FREM1: variants seen among roughly 807,000 people sequenced by gnomAD.
FREM1 encodes the protein FRAS1-related extracellular matrix protein 1.
FREM1 carries 220 observed loss-of-function variants against 210.1 expected under a neutral mutation model. That is an observed-to-expected ratio of 1.05 (90% CI 0.94 to 1.17). The LOEUF (loss-of-function observed/expected upper bound fraction) is 1.17, where lower values mean the gene tolerates loss of function less well. FREM1 is among the 50% of genes most tolerant of loss of function. FREM1 has a pLI of 0.00. For synonymous variants in FREM1, 1,189 were observed against 980.2 expected, an observed-to-expected ratio of 1.21 and a Z score of -3.98; for missense variants, 3,454 against 2,675.5, an observed-to-expected ratio of 1.29 and a Z score of -6.42.
rs568697083 is a variant in FREM1, at chr9:14,876,243, C to T, written c.-267-6999G>A. Among the ~76,000 whole-genome samples, 603 of 152,284 alleles carry T rather than the reference C, an allele frequency of 4.0e-3. 3 individuals are homozygous for T. Among genetic ancestry groups the T allele is most frequent in the African/African-American group, 0.014 (569 of 41,546 alleles). On this transcript the variant is annotated intron_variant, in intron 1 of 36. Coordinates refer to ENST00000380880, the MANE Select transcript of FREM1 (RefSeq NM_001379081.2). ...GGGACATTTAAGTCTGCAGAGGTTA[C>T]TGCTGTCTTTTTGTTTTTCTGTGCC...
intron 1 of FREM1, among the ~76,000 whole-genome samples, chr9:14,891,802 T>G (rs1427279123): frequency 6.6e-6 from 1 of 152,050 alleles, no homozygotes; most frequent in Non-Finnish European, 1.5e-5. Context: ...AACAAGTAGG[T>G]GTTATGTCAG....
chr9:14,837,708 C>T (rs1017504712), intron 10 of FREM1, among the ~76,000 whole-genome samples: 52 of 152,130 alleles, frequency 3.4e-4, no homozygotes, highest in African/African-American at 1.2e-3. Context: ...TGTAGATTAG[C>T]GAAACACTGT....
chr9:14,761,152 T>G (rs1393963309), intron 27 of FREM1, among the ~76,000 whole-genome samples: 2 of 152,226 alleles, frequency 1.3e-5, no homozygotes, highest in Non-Finnish European at 2.9e-5. Context: ...TCTCCAGGCT[T>G]TCCTGGGGCC....
At chr9:14,835,838 G>A (rs1408828356) in intron 10 of FREM1, among the ~76,000 whole-genome samples, 1 of 152,146 alleles carries the variant, frequency 6.6e-6, no homozygotes, top group African/African-American at 2.4e-5. Context: ...GAAGACTGAA[G>A]AGAAAAATTT....
At chr9:14,871,924 C>T (rs1282808260) in intron 1 of FREM1, among the ~76,000 whole-genome samples, 3 of 152,140 alleles carry the variant, frequency 2.0e-5, no homozygotes, top group Non-Finnish European at 1.5e-5. Context: ...ATAGGGAATC[C>T]TTTCCCCATT....
chr9:14,876,367 C>T (rs1159671259), intron 1 of FREM1, among the ~76,000 whole-genome samples: 1 of 152,172 alleles, frequency 6.6e-6, no homozygotes, highest in Non-Finnish European at 1.5e-5. Flanking sequence ...TTTACCTAAG[C>T]AAGCCTGGGC....
intron 36 of FREM1, among the ~76,000 whole-genome samples, chr9:14,739,541 T>C (rs1186782173): frequency 7.0e-6 from 1 of 142,278 alleles, no homozygotes; most frequent in Non-Finnish European, 1.5e-5. Context: ...AAATATTATA[T>C]ATATTTATAT....
In FREM1 at chr9:14,865,347, C is replaced by G. The variant is rs1831309399; in HGVS notation, c.235-1444G>C. On this transcript the variant is annotated intron_variant, in intron 2 of 36. Coordinates refer to ENST00000380880, the MANE Select transcript of FREM1 (RefSeq NM_001379081.2). ...GTCTTGTCCTAAAACATGAGGAAAA[C>G]ATATTGCCATCAACCTCATCTAATT... 2.0e-5 allele frequency among the ~76,000 whole-genome samples: 3 copies of G among 152,312 alleles called. No homozygotes were observed. In the South Asian group the frequency reaches 6.2e-4, roughly 32 times the overall value.
chr9:14,774,432 C>A (rs1033982877), intron 25 of FREM1, among the ~76,000 whole-genome samples: 1 of 151,836 alleles, frequency 6.6e-6, no homozygotes, highest in African/African-American at 2.4e-5. Context: ...AAATTTGTAG[C>A]CTGCCAACGT....
Position 14,805,015 on chromosome 9 carries a change from A to G in FREM1, c.3412T>C (p.Ser1138Pro), listed in dbSNP as rs762302654. 2.5e-6 allele frequency: 4 copies of G among 1,613,810 alleles called. No individual in the cohort carries two copies. The South Asian group carries it at 3.3e-5, about 13-fold the overall frequency. ...GKHHSLEIPF[S>P]IIINPTNDEA... is the part of the protein sequence containing the mutation. The stretch of plus-strand genomic sequence containing the variant: ...TCATTTGTGGGGTTGATTATAATAG[A>G]AAATGGTATCTCCAAGGAGTGATGC... The change falls in exon 19 of 37, where the codon TCT becomes CCT. Residue 1138 changes from serine (S) to proline (P), a missense_variant. Ser to Pro is a moderately conservative substitution (Grantham distance 74). Coordinates refer to ENST00000380880, the MANE Select transcript of FREM1 (RefSeq NM_001379081.2).
chr9:14,828,342 T>C (rs946535842), intron 10 of FREM1, among the ~76,000 whole-genome samples: 1 of 152,210 alleles, frequency 6.6e-6, no homozygotes, highest in Non-Finnish European at 1.5e-5. Flanking sequence ...TTGGATCCTT[T>C]CTTCTTTCCT....
At position 14,808,117 on chromosome 9, in the gene FREM1, T is replaced by G; in HGVS notation, c.2911A>C (p.Met971Leu). The change falls in exon 17 of 37, where the codon ATG becomes CTG. Residue 971 changes from methionine to leucine, a missense_variant. Physicochemically the swap from Met to Leu is conservative, Grantham distance 15. Coordinates refer to ENST00000380880, the MANE Select transcript of FREM1 (RefSeq NM_001379081.2). The part of the protein sequence containing the change: ...YKHTGGEIGL[M>L]PCFDTITLVV... ...AATGTAATGGTGTCAAAACAAGGCA[T>G]CAGGCCAATCTCGCCACCTGGAAGA... 6.2e-7 allele frequency: 1 copy of G among 1,604,032 alleles called. No individual in the cohort carries two copies. Among genetic ancestry groups the G allele is most frequent in the Non-Finnish European group, 8.5e-7 (1 of 1,174,402 alleles).
intron 5 of FREM1, among the ~76,000 whole-genome samples, chr9:14,852,524 C>CA (rs1588374266): frequency 1.3e-5 from 2 of 151,918 alleles, no homozygotes; most frequent in African/African-American, 4.8e-5. Flanking sequence ...CCTATCTCTA[C>CA]AAAAAAAGTA....
intron 24 of FREM1, among the ~76,000 whole-genome samples, chr9:14,777,671 T>C (rs1390351547): frequency 2.0e-5 from 3 of 152,138 alleles, no homozygotes; most frequent in Non-Finnish European, 4.4e-5. Context: ...CTAGAGAAGG[T>C]ATGGCATTTA....
chr9:14,818,768 G>A (rs1820759770), intron 14 of FREM1, among the ~76,000 whole-genome samples: 1 of 152,182 alleles, frequency 6.6e-6, no homozygotes, highest in South Asian at 2.1e-4. Flanking sequence ...TTGTTTGCCT[G>A]CAGATCCCTG....
chr9:14,814,669 T>C (rs147801323), intron 15 of FREM1, among the ~76,000 whole-genome samples: 3,873 of 152,304 alleles, frequency 0.025, 68 homozygotes, highest in Non-Finnish European at 0.037. Flanking sequence ...TTCTTGACCC[T>C]GAGGAATATC....
At chr9:14,772,502 T>C (rs973438023) in intron 25 of FREM1, among the ~76,000 whole-genome samples, 1 of 152,188 alleles carries the variant, frequency 6.6e-6, no homozygotes, top group Non-Finnish European at 1.5e-5. Context: ...CCATTTCTAA[T>C]TGAACAAAAT....
At chr9:14,798,637 T>C (rs189529159) in intron 20 of FREM1, among the ~76,000 whole-genome samples, 58 of 152,126 alleles carry the variant, frequency 3.8e-4, no homozygotes, top group African/African-American at 1.3e-3. Flanking sequence ...GTCTATATGA[T>C]GATTTTATAA....
In FREM1 at chr9:14,850,737, T is replaced by G. The variant is rs572754107; in HGVS notation, c.1152+547A>C. On this transcript the variant is annotated intron_variant, in intron 6 of 36. Transcript: ENST00000380880. ...AGAACTTAAACACACCAAAAAAATT[T>G]TGTTAAAAATAAAAGAATTGTAAAC... Among the ~76,000 whole-genome samples the G allele has an allele frequency of 6.6e-5, 10 of 152,264 alleles. No homozygotes were observed. The South Asian group carries it at 2.1e-3, about 32-fold the overall frequency.
Sources: gnomAD v4.1 joint callset for allele counts (sites outside exome capture counted in the v4.1 genomes callset) on GRCh38, gnomAD v4.1.1 for gene constraint, MANE v1.5 for transcripts, NCBI Gene and HGNC (gene_info 2026-07-23, HGNC 2026-07-21) for gene names.